ZNF407: variants seen among roughly 807,000 people sequenced by gnomAD.
The protein encoded by ZNF407 is zinc finger protein 407.
ZNF407 carries 17 observed loss-of-function variants against 131.2 expected under a neutral mutation model. That is an observed-to-expected ratio of 0.13 (90% CI 0.09 to 0.19). The LOEUF (loss-of-function observed/expected upper bound fraction) is 0.19, where lower values mean the gene tolerates loss of function less well. Among genes scored for constraint, ZNF407 ranks in the 10% least tolerant of loss-of-function variants. The pLI is 1.00. For missense variants in ZNF407, 2,681 were observed against 2,830.6 expected (o/e 0.95, Z 1.20); for synonymous variants, 1,156 against 1,062.0 (o/e 1.09, Z -1.72).
chr18:74,890,422 A>G (rs1324441550), intron 7 of ZNF407, among the ~76,000 whole-genome samples: 2 of 152,224 alleles, frequency 1.3e-5, no homozygotes, highest in African/African-American at 4.8e-5. Context: ...GGTTTTGACA[A>G]ATTTATGACA....
In ZNF407 at chr18:74,817,161, G is replaced by A. The variant is rs372516279; in HGVS notation, c.4877+35659G>A. Reference sequence around the variant, plus strand: ...ACAGCTCAAGTAGGGATATCATGCTGGTTTTATAGGAGAAACATGTTACAG... The same window carrying A: ...ACAGCTCAAGTAGGGATATCATGCTAGTTTTATAGGAGAAACATGTTACAG... On this transcript the variant is annotated intron_variant, in intron 4 of 8. Transcript: ENST00000299687. Among the ~76,000 whole-genome samples, 7 of 152,242 alleles carry A rather than the reference G, an allele frequency of 4.6e-5. No homozygotes were observed. In the South Asian group the frequency reaches 1.5e-3, roughly 32 times the overall value.
intron 8 of ZNF407, among the ~76,000 whole-genome samples, chr18:75,019,723 C>A (rs1185108041): frequency 6.6e-6 from 1 of 152,118 alleles, no homozygotes; most frequent in East Asian, 1.9e-4. Flanking sequence ...TTAATTGACT[C>A]ACAGTTCCAC....
chr18:74,613,387 A>G (rs1318951782), intron 1 of ZNF407, among the ~76,000 whole-genome samples: 1 of 152,256 alleles, frequency 6.6e-6, no homozygotes, highest in Non-Finnish European at 1.5e-5. Flanking sequence ...AAACAAAAAG[A>G]TGACTCTAGA....
chr18:74,953,263 G>T (rs1479022835), intron 8 of ZNF407, among the ~76,000 whole-genome samples: 1 of 152,156 alleles, frequency 6.6e-6, no homozygotes, highest in East Asian at 1.9e-4. Flanking sequence ...GGTCCGTCCA[G>T]GCTATCTGAC....
intron 8 of ZNF407, among the ~76,000 whole-genome samples, chr18:74,921,944 C>T (rs1166184457): frequency 1.3e-5 from 2 of 152,160 alleles, no homozygotes; most frequent in Non-Finnish European, 2.9e-5. Context: ...CTTGACAATA[C>T]GTGGATAGAG....
intron 3 of ZNF407, among the ~76,000 whole-genome samples, chr18:74,734,396 T>A (rs570932561): frequency 6.6e-6 from 1 of 152,314 alleles, no homozygotes; most frequent in East Asian, 1.9e-4. Context: ...GTTTTAGGTA[T>A]TTCAGTTTTG....
At chr18:74,780,721 C>T (rs1401128342) in intron 3 of ZNF407, among the ~76,000 whole-genome samples, 1 of 152,006 alleles carries the variant, frequency 6.6e-6, no homozygotes, top group African/African-American at 2.4e-5. Flanking sequence ...TTTAAATAAT[C>T]GCATGACGTA....
At chr18:74,728,198 T>G (rs1007279656) in intron 3 of ZNF407, among the ~76,000 whole-genome samples, 1 of 152,172 alleles carries the variant, frequency 6.6e-6, no homozygotes, top group Non-Finnish European at 1.5e-5. Context: ...TTGAGAAACA[T>G]CAGAAGAAAC....
intron 1 of ZNF407, among the ~76,000 whole-genome samples, chr18:74,605,306 C>CT (rs2144608627): frequency 6.6e-6 from 1 of 152,314 alleles, no homozygotes; most frequent in Admixed American, 6.5e-5. Context: ...TCTGCAGCTC[C>CT]TAGCTGTGTG....
At chr18:74,903,574 C>G (rs1971557613) in intron 7 of ZNF407, among the ~76,000 whole-genome samples, 2 of 152,078 alleles carry the variant, frequency 1.3e-5, no homozygotes, top group Admixed American at 1.3e-4. Context: ...GTTTTTCATC[C>G]ATCTGCCTTT....
chr18:74,880,086 G>A (rs993092051), intron 5 of ZNF407, among the ~76,000 whole-genome samples: 3 of 152,090 alleles, frequency 2.0e-5, no homozygotes, highest in South Asian at 2.1e-4. Context: ...TTTTATTTCT[G>A]GAAAAACATT....
At chr18:74,946,070 G>A (rs975268536) in intron 8 of ZNF407, among the ~76,000 whole-genome samples, 18 of 152,128 alleles carry the variant, frequency 1.2e-4, no homozygotes, top group Non-Finnish European at 2.2e-4. Flanking sequence ...TCTCAAGGTG[G>A]TTTGATGAGA....
At chr18:75,055,183 C>T (rs1455682530) in intron 8 of ZNF407, among the ~76,000 whole-genome samples, 1 of 152,226 alleles carries the variant, frequency 6.6e-6, no homozygotes, top group Non-Finnish European at 1.5e-5. Flanking sequence ...TCTGCTGGCA[C>T]ATCAACTGGC....
At chr18:74,866,858 A>G (rs1971018106) in intron 4 of ZNF407, among the ~76,000 whole-genome samples, 1 of 149,348 alleles carries the variant, frequency 6.7e-6, no homozygotes, top group Non-Finnish European at 1.5e-5. Context: ...ATTCATTGAT[A>G]TTTAGTGTAA....
intron 4 of ZNF407, among the ~76,000 whole-genome samples, chr18:74,834,846 A>G (rs1599185185): frequency 1.3e-5 from 2 of 152,226 alleles, no homozygotes; most frequent in East Asian, 1.9e-4. Context: ...GATGCCTTCC[A>G]GAGTTCATAG....
chr18:75,016,685 A>C (rs189785216), intron 8 of ZNF407, among the ~76,000 whole-genome samples: 1 of 152,284 alleles, frequency 6.6e-6, no homozygotes, highest in East Asian at 1.9e-4. Flanking sequence ...ATTGTGAGTA[A>C]TTTTAATAGT....
intron 3 of ZNF407, among the ~76,000 whole-genome samples, chr18:74,647,195 C>T (rs1985011543): frequency 6.6e-6 from 1 of 151,884 alleles, no homozygotes; most frequent in South Asian, 2.1e-4. Flanking sequence ...GTAATCCCAG[C>T]ACTTTGGGAG....
intron 8 of ZNF407, among the ~76,000 whole-genome samples, chr18:75,045,231 TTATAA>T (rs1257455109): frequency 1.3e-5 from 2 of 152,192 alleles, no homozygotes; most frequent in Middle Eastern, 3.2e-3. Flanking sequence ...GCAGAAAGTT[TTATAA>T]TATAACTGGA....
chr18:74,877,325 C>G lies in ZNF407; in HGVS notation c.5006C>G (p.Thr1669Arg). The change falls in exon 5 of 9, where the codon ACA (threonine) becomes AGA (arginine). Residue 1669 changes from threonine to arginine, a missense_variant. Around this residue, in one of 6 missense-constraint regions of ZNF407, gnomAD observed 213 missense variants for 332.2 expected, o/e 0.64. Coordinates refer to ENST00000299687, the MANE Select transcript of ZNF407 (RefSeq NM_017757.3). ...TWPTCHYSFL[T>R]ASAMKDHYRT... Reference sequence around the variant, plus strand: ...CCCACGTGCCATTACTCATTCCTCACAGCCTCCGCAATGAAAGACCACTAC... The same window carrying G: ...CCCACGTGCCATTACTCATTCCTCAGAGCCTCCGCAATGAAAGACCACTAC... 6.2e-7 allele frequency: 1 copy of G among 1,613,778 alleles called. No homozygotes were observed. Among genetic ancestry groups the G allele is most frequent in the Non-Finnish European group, 8.5e-7 (1 of 1,179,906 alleles).
Sources: gnomAD v4.1 joint callset for allele counts (sites outside exome capture counted in the v4.1 genomes callset) on GRCh38, gnomAD v4.1.1 for gene constraint, gnomAD v4.1.1 regional missense constraint, MANE v1.5 for transcripts, NCBI Gene and HGNC (gene_info 2026-07-23, HGNC 2026-07-21) for gene names.